ESRP2: variants seen among roughly 807,000 people sequenced by gnomAD.
ESRP2 encodes the protein epithelial splicing regulatory protein 2.
Under a neutral mutation model 78.6 loss-of-function variants are expected in ESRP2, and 48 were observed. That is an observed-to-expected ratio of 0.61 (90% CI 0.48 to 0.78). ESRP2 has a LOEUF of 0.78. ESRP2 is among the 30% of genes least tolerant of loss of function. The pLI is 0.00. For missense variants in ESRP2, 863 were observed against 965.9 expected (o/e 0.89, Z 1.41); for synonymous variants, 383 against 406.7 (o/e 0.94, Z 0.70).
rs2042220692 is a variant in ESRP2, at chr16:68,235,887, G to T, written c.159C>A (p.Ile53=). The change falls in exon 1 of 15, where the codon ATC becomes ATA. Residue 53 remains isoleucine (I), a synonymous_variant. Coordinates refer to ENST00000473183, the MANE Select transcript of ESRP2 (RefSeq NM_024939.3). The surrounding 1 kb of genome is among the most constrained non-coding windows in gnomAD (Gnocchi z 5.5). ...RDLGSDETDL[I]LLVWQVVEPR... Reference sequence around the variant, plus strand: ...GCTCAACCACTTGCCAAACTAGGAGGATTAAGTCGGTCTCGTCCGAGCCCA... The same window carrying T: ...GCTCAACCACTTGCCAAACTAGGAGTATTAAGTCGGTCTCGTCCGAGCCCA... The T allele has an allele frequency of 1.2e-6, 2 of 1,611,604 alleles. No homozygotes were observed. Among genetic ancestry groups the T allele is most frequent in the South Asian group, 2.2e-5 (2 of 90,982 alleles).
In ESRP2 at chr16:68,232,119, G is replaced by T; in HGVS notation, c.998-16C>A. 1.9e-6 allele frequency: 3 copies of T among 1,609,712 alleles called. No individual in the cohort carries two copies. The highest frequency in any genetic ancestry group is 2.5e-6 in the Non-Finnish European group (3 of 1,177,086). On this transcript the variant is annotated splice_polypyrimidine_tract_variant and intron_variant, in intron 9 of 14. Transcript: ENST00000473183. This position sits in a 1 kb window ranked among gnomAD's most constrained non-coding sequence, Gnocchi z 5.2. ...AGTGATGTGCCTGTGTATGAGAGTC[G>T]CCTGCTGACTTCACTCATGCTCCTC...
rs1298459688 is a variant in ESRP2 at position 68,232,836 on chromosome 16, G to T, written c.656-21C>A. On this transcript the variant is annotated intron_variant, in intron 5 of 14. Transcript: ENST00000473183. The surrounding 1 kb of genome is among the most constrained non-coding windows in gnomAD (Gnocchi z 5.2). Reference sequence around the variant, plus strand: ...TTGACCTGAGAAAAGATGGCCTGGGGGTCAGCAGGGTCTGGTGGAGAGGGG... The same window carrying T: ...TTGACCTGAGAAAAGATGGCCTGGGTGTCAGCAGGGTCTGGTGGAGAGGGG... 1.2e-6 allele frequency: 2 copies of T among 1,614,136 alleles called. No homozygotes were observed. The highest frequency in any genetic ancestry group is 1.7e-6 in the Non-Finnish European group (2 of 1,180,032).
In ESRP2 at chr16:68,236,028, C is replaced by A; in HGVS notation, c.18G>T (p.Pro6=). MTPPP[P]PPPPPGPDPA... ...GGTCAGGGCCCGGGGGAGGGGGCGG[C>A]GGCGGCGGCGGAGTCATGGCCGCAG... The change falls in exon 1 of 15, where the codon CCG becomes CCT. Residue 6 remains proline, a synonymous_variant. Coordinates refer to ENST00000473183, the MANE Select transcript of ESRP2 (RefSeq NM_024939.3). The surrounding 1 kb of genome is among the most constrained non-coding windows in gnomAD (Gnocchi z 5.2). 2 of 1,455,842 alleles carry A rather than the reference C, an allele frequency of 1.4e-6. No homozygotes were observed. The highest frequency in any genetic ancestry group is 1.4e-5 in the South Asian group (1 of 70,128). The allele number at this position is 1,455,842 out of a possible 1,614,324, so 90.2% of individuals were successfully genotyped here.
Position 68,232,128 on chromosome 16 carries a change from C to CT in ESRP2, c.998-26dup. On this transcript the variant is annotated intron_variant, in intron 9 of 14. Coordinates refer to ENST00000473183, the MANE Select transcript of ESRP2 (RefSeq NM_024939.3). The surrounding 1 kb of genome is among the most constrained non-coding windows in gnomAD (Gnocchi z 5.2). ...CCTGTGTATGAGAGTCGCCTGCTGA[C>CT]TTCACTCATGCTCCTCCAGACACTC... The CT allele has an allele frequency of 1.2e-6, 2 of 1,609,848 alleles. No individual in the cohort carries two copies. Among genetic ancestry groups the CT allele is most frequent in the Non-Finnish European group, 1.7e-6 (2 of 1,177,126 alleles).
Position 68,235,858 on chromosome 16 carries a change from C to A in ESRP2, c.188G>T (p.Arg63Leu). 1 of 1,612,078 alleles carries A rather than the reference C, an allele frequency of 6.2e-7. No individual in the cohort carries two copies. Among genetic ancestry groups the A allele is most frequent in the Non-Finnish European group, 8.5e-7 (1 of 1,179,578 alleles). Residue 63 changes from arginine (R) to leucine (L), a missense_variant, in exon 1 of 15, where the codon CGG becomes CTG. Coordinates refer to ENST00000473183, the MANE Select transcript of ESRP2 (RefSeq NM_024939.3). The surrounding 1 kb of genome is among the most constrained non-coding windows in gnomAD (Gnocchi z 5.5). ...TCTTTTCCACCCTACCTGGCGGCTC[C>A]GCGGCTCAACCACTTGCCAAACTAG... ...ILLVWQVVEPRSRQVGTLHKS... is the reference protein window; with the variant it reads ...ILLVWQVVEPLSRQVGTLHKS...
Position 68,231,670 on chromosome 16 carries a change from G to C in ESRP2, c.1324C>G (p.Pro442Ala). 1 of 1,611,404 alleles carries C rather than the reference G, an allele frequency of 6.2e-7. No homozygotes were observed. The highest frequency in any genetic ancestry group is 8.5e-7 in the Non-Finnish European group (1 of 1,178,198). ...QQVLNRYASGPLLPTLTAPLL... is the reference protein window; with the variant it reads ...QQVLNRYASGALLPTLTAPLL... ...GGGGCAGTCAGTGTAGGAAGGAGTG[G>C]GCCGGATGCATAGCGGTTCAAGACC... Residue 442 changes from proline (P) to alanine (A), a missense_variant, in exon 11 of 15, where the codon CCA becomes GCA. Physicochemically the swap from Pro to Ala is conservative, Grantham distance 27. Coordinates refer to ENST00000473183, the MANE Select transcript of ESRP2 (RefSeq NM_024939.3). This position sits in a 1 kb window ranked among gnomAD's most constrained non-coding sequence, Gnocchi z 6.0.
In ESRP2 at chr16:68,231,243, C is replaced by G. The variant is rs189249637; in HGVS notation, c.1646G>C (p.Ser549Thr). ...CAAGGTGCCCCCCATCAGCACTCGG[C>G]TCATCTCCTCTGTGGAACAGGGGAC... Reference protein sequence around the residue: ...EVVPCSTEEMSRVLMGGTLGR... With the variant: ...EVVPCSTEEMTRVLMGGTLGR... The change falls in exon 12 of 15, where the codon AGC becomes ACC. Residue 549 changes from serine (S) to threonine (T), a missense_variant. Coordinates refer to ENST00000473183, the MANE Select transcript of ESRP2 (RefSeq NM_024939.3). The surrounding 1 kb of genome is among the most constrained non-coding windows in gnomAD (Gnocchi z 6.0). 2.5e-6 allele frequency: 4 copies of G among 1,614,068 alleles called. No individual in the cohort carries two copies. In the East Asian group the frequency reaches 8.9e-5, roughly 36 times the overall value.
intron 2 of ESRP2, chr16:68,234,967 C>G (rs1229127013): frequency 9.0e-6 from 2 of 221,492 alleles, no homozygotes; most frequent in Non-Finnish European, 1.5e-5. Flanking sequence ...ACTAATTACA[C>G]TCAAGAGTCA....
chr16:68,232,075 C>T lies in ESRP2; in HGVS notation c.1026G>A (p.Leu342=). ...GCAGGATCACTTGGTCTTCCCGTGA[C>T]AAGAAACGAGCCACCTCTAGTGATG... ...GGTSLEVARF[L]SREDQVILRL... The change falls in exon 10 of 15, where the codon TTG becomes TTA. Residue 342 remains leucine (L), a synonymous_variant. Coordinates refer to ENST00000473183, the MANE Select transcript of ESRP2 (RefSeq NM_024939.3). This position sits in a 1 kb window ranked among gnomAD's most constrained non-coding sequence, Gnocchi z 5.2. 4 of 1,613,458 alleles carry T rather than the reference C, an allele frequency of 2.5e-6. No individual in the cohort carries two copies. Among genetic ancestry groups the T allele is most frequent in the Non-Finnish European group, 3.4e-6 (4 of 1,179,590 alleles).
In ESRP2 at chr16:68,231,600, T is replaced by A; in HGVS notation, c.1394A>T (p.Asp465Val). The change falls in exon 11 of 15, where the codon GAC becomes GTC. Residue 465 changes from aspartate (D) to valine (V), a missense_variant. Transcript: ENST00000473183. This position sits in a 1 kb window ranked among gnomAD's most constrained non-coding sequence, Gnocchi z 6.0. ...GGGCAGGCCTCGGAGGCGTACACAG[T>A]CCCTCCCAGTCCCAGGTGCCAGTGG... ...PFPLAPGTGR[D>V]CVRLRGLPYT... The A allele has an allele frequency of 6.2e-7, 1 of 1,613,820 alleles. No homozygotes were observed. The highest frequency in any genetic ancestry group is 2.2e-5 in the East Asian group (1 of 44,844).
chr16:68,231,690 A>G lies in ESRP2; in HGVS notation c.1304T>C (p.Leu435Ser). ...RSTAAEVQQV[L>S]NRYASGPLLP... ...GAGTGGGCCGGATGCATAGCGGTTC[A>G]AGACCTAGTAAGGAAGGCAGCAACA... The change falls in exon 11 of 15, where the codon TTG becomes TCG. Residue 435 changes from leucine (L) to serine (S), a missense_variant. Leu to Ser is a moderately radical substitution (Grantham distance 145). Coordinates refer to ENST00000473183, the MANE Select transcript of ESRP2 (RefSeq NM_024939.3). The surrounding 1 kb of genome is among the most constrained non-coding windows in gnomAD (Gnocchi z 6.0). 6.2e-7 allele frequency: 1 copy of G among 1,602,346 alleles called. No homozygotes were observed. The highest frequency in any genetic ancestry group is 8.5e-7 in the Non-Finnish European group (1 of 1,172,072).
chr16:68,231,881 G>A lies in ESRP2; in HGVS notation c.1220C>T (p.Ala407Val). 3.7e-6 allele frequency: 6 copies of A among 1,614,030 alleles called. No homozygotes were observed. Among genetic ancestry groups the A allele is most frequent in the Non-Finnish European group, 5.1e-6 (6 of 1,179,996 alleles). Residue 407 changes from alanine (A) to valine (V), a missense_variant, in exon 10 of 15, where the codon GCT becomes GTT. By Grantham distance (64) the Ala-to-Val change is moderately conservative. Transcript: ENST00000473183. This position sits in a 1 kb window ranked among gnomAD's most constrained non-coding sequence, Gnocchi z 6.0. The stretch of plus-strand genomic sequence containing the variant: ...CATGCCCTTGTGCCTGCGCAGTGCA[G>A]CCTGTGCCAGCTCCTCACAAGCAAA... ...ALFACEELAQ[A>V]ALRRHKGMLG... is the part of the protein sequence containing the mutation.
chr16:68,232,453 G>A lies in ESRP2; in HGVS notation c.872C>T (p.Ala291Val), dbSNP rs762143220. 16 of 1,613,916 alleles carry A rather than the reference G, an allele frequency of 9.9e-6. No homozygotes were observed. The highest frequency in any genetic ancestry group is 1.4e-5 in the Non-Finnish European group (16 of 1,179,996). ...CTCGCTGTCCACAAAGCGGATGAGG[G>A]CCTCGCCATTTCTGCGGCCCTGGGC... is the stretch of plus-strand genomic sequence containing the variant. ...LNAQGRRNGE[A>V]LIRFVDSEQR... The change falls in exon 8 of 15, where the codon GCC becomes GTC. Residue 291 changes from alanine to valine, a missense_variant. Physicochemically the swap from Ala to Val is moderately conservative, Grantham distance 64. Coordinates refer to ENST00000473183, the MANE Select transcript of ESRP2 (RefSeq NM_024939.3). The surrounding 1 kb of genome is among the most constrained non-coding windows in gnomAD (Gnocchi z 5.2).
chr16:68,233,210 A>G (rs547089690), intron 5 of ESRP2, 117 bp downstream of exon 5: 3 of 737,912 alleles, frequency 4.1e-6, no homozygotes, highest in African/African-American at 1.8e-5. Flanking sequence ...AAAAAAAAAA[A>G]AAAAGAAATG....
chr16:68,230,530 C>G lies in ESRP2; in HGVS notation c.1923G>C (p.Val641=). 6.3e-7 allele frequency: 1 copy of G among 1,587,478 alleles called. No homozygotes were observed. Among genetic ancestry groups the G allele is most frequent in the Non-Finnish European group, 8.6e-7 (1 of 1,165,292 alleles). ...CAGCAGTGGGTGTAGTGAGGTAGCCCACAGTGGTGGGGGAGACTGGGGGGC... is the reference window on the plus strand; with the variant it reads ...CAGCAGTGGGTGTAGTGAGGTAGCCGACAGTGGTGGGGGAGACTGGGGGGC... ...YPSPPVSPTT[V]GYLTTPTAAL... is the part of the protein sequence containing the mutation. The change falls in exon 14 of 15, where the codon GTG becomes GTC. Residue 641 remains valine (V), a synonymous_variant. Transcript: ENST00000473183.
chr16:68,230,609 G>T, intron 13 of ESRP2, 55 bp from the exon 14 acceptor site: 1 of 1,514,954 alleles, frequency 6.6e-7, no homozygotes, highest in South Asian at 1.3e-5. Context: ...CCTAGACCGA[G>T]ACCTGTTTCC....
rs1369400665 is a variant in ESRP2 at position 68,232,401 on chromosome 16, G to A, written c.924C>T (p.His308=). The part of the protein sequence containing the change: ...SEQRDLALQR[H]KHHMGVRYIE... Reference sequence around the variant, plus strand: ...TATAGCGGACGCCCATGTGGTGCTTGTGTCTCTGCAGCGCTAGGTCCCGCT... The same window carrying A: ...TATAGCGGACGCCCATGTGGTGCTTATGTCTCTGCAGCGCTAGGTCCCGCT... The change falls in exon 8 of 15, where the codon CAC becomes CAT. Residue 308 remains histidine, a synonymous_variant. Transcript: ENST00000473183. This position sits in a 1 kb window ranked among gnomAD's most constrained non-coding sequence, Gnocchi z 5.2. 9 of 1,614,108 alleles carry A rather than the reference G, an allele frequency of 5.6e-6. No homozygotes were observed. Among genetic ancestry groups the A allele is most frequent in the Non-Finnish European group, 7.6e-6 (9 of 1,180,018 alleles).
At chr16:68,233,253 A>T in intron 5 of ESRP2, 74 bp downstream of exon 5, 1 of 1,024,572 alleles carries the variant, frequency 9.8e-7, no homozygotes, top group Non-Finnish European at 1.6e-6. Context: ...CTCTTAGAGA[A>T]GGTCACAGTG....
rs1567564488 is a variant in ESRP2, at chr16:68,232,148, ACACT to A, written c.998-49_998-46del. On this transcript the variant is annotated intron_variant, in intron 9 of 14. Transcript: ENST00000473183. The surrounding 1 kb of genome is among the most constrained non-coding windows in gnomAD (Gnocchi z 5.2). ...GCTGACTTCACTCATGCTCCTCCAGACACTCACCCATGCAGGGGAGCAGGCAGGC... is the reference window on the plus strand; with the variant it reads ...GCTGACTTCACTCATGCTCCTCCAGACACCCATGCAGGGGAGCAGGCAGGC... 2 of 1,611,948 alleles carry A rather than the reference ACACT, an allele frequency of 1.2e-6. No individual in the cohort carries two copies. Among genetic ancestry groups the A allele is most frequent in the Non-Finnish European group, 8.5e-7 (1 of 1,178,668 alleles).
Sources: allele counts gnomAD v4.1 joint callset, GRCh38; gene constraint gnomAD v4.1.1; non-coding constraint Gnocchi (gnomAD v3.1); transcripts MANE v1.5; gene names NCBI Gene and HGNC (gene_info 2026-07-23, HGNC 2026-07-21).